Variants in WLS observed in about 807,000 individuals in gnomAD.
The protein encoded by WLS is Wnt ligand secretion mediator.
WLS carries 23 observed loss-of-function variants against 62.8 expected under a neutral mutation model. That is an observed-to-expected ratio of 0.37 (90% CI 0.26 to 0.52). The LOEUF (loss-of-function observed/expected upper bound fraction) is 0.52. Ranked by LOEUF, WLS falls within the 20% of genes least tolerant of loss-of-function variation. The pLI is 0.92. For missense variants in WLS, 615 were observed against 697.3 expected (o/e 0.88, Z 1.33); for synonymous variants, 246 against 244.1 (o/e 1.01, Z -0.07).
At chr1:68,105,924 G>A (rs986699605) in intron 11 of WLS, among the ~76,000 whole-genome samples, 9 of 152,266 alleles carry the variant, frequency 5.9e-5, no homozygotes, top group Admixed American at 2.0e-4. Flanking sequence ...TATGGGATTG[G>A]TGTAAGGGTC....
At chr1:68,193,398 TAAAAAAAAAAAAAAAAAAAAAAAAAAAAA>T (rs904327955) in intron 2 of WLS, among the ~76,000 whole-genome samples, 323 of 15,446 alleles carry the variant, frequency 0.021, 4 homozygotes, top group African/African-American at 0.044. Flanking sequence ...GCAAATAAGC[TAAAAAAAAAAAAAAAAAAAAAAAAAAAAA>T]AAAAAAAAAA....
chr1:68,138,191 C>T (rs1475724795), intron 10 of WLS: 4 of 433,806 alleles, frequency 9.2e-6, no homozygotes, highest in Non-Finnish European at 1.6e-5. Context: ...GGGAGTGTCT[C>T]TTCCTAAAAA....
At chr1:68,195,508 A>C (rs958819698) in intron 1 of WLS, among the ~76,000 whole-genome samples, 1 of 152,218 alleles carries the variant, frequency 6.6e-6, no homozygotes, top group Non-Finnish European at 1.5e-5. Context: ...AAAATCTTTC[A>C]GTTAGTAGTT....
At chr1:68,106,091 A>G (rs1259608117) in intron 11 of WLS, among the ~76,000 whole-genome samples, 1 of 152,174 alleles carries the variant, frequency 6.6e-6, no homozygotes, top group East Asian at 1.9e-4. Context: ...CTTGGTGGGG[A>G]GTTAGGACTA....
intron 2 of WLS, among the ~76,000 whole-genome samples, chr1:68,188,128 A>T (rs1176209844): frequency 6.6e-6 from 1 of 152,242 alleles, no homozygotes; most frequent in Non-Finnish European, 1.5e-5. Context: ...ACTATGCTCT[A>T]AACAACTGCC....
At chr1:68,105,907 A>T (rs953685509) in intron 11 of WLS, among the ~76,000 whole-genome samples, 5 of 152,294 alleles carry the variant, frequency 3.3e-5, no homozygotes, top group Non-Finnish European at 5.9e-5. Flanking sequence ...CTCCAAAAAG[A>T]AAAGGATATG....
intron 11 of WLS, among the ~76,000 whole-genome samples, chr1:68,133,733 A>C (rs1406438160): frequency 1.3e-5 from 2 of 152,246 alleles, no homozygotes; most frequent in Non-Finnish European, 1.5e-5. Context: ...AGAGAGAAGA[A>C]AAAGTCTATC....
chr1:68,212,865 A>G (rs945626213), intron 1 of WLS, among the ~76,000 whole-genome samples: 7 of 152,208 alleles, frequency 4.6e-5, no homozygotes, highest in African/African-American at 1.7e-4. Flanking sequence ...TCAACTCACT[A>G]ATTTAACATC....
intron 1 of WLS, among the ~76,000 whole-genome samples, chr1:68,213,699 A>T (rs1237906711): frequency 6.6e-6 from 1 of 152,122 alleles, no homozygotes; most frequent in African/African-American, 2.4e-5. Flanking sequence ...CAAAAAAAAA[A>T]ATTATCTGAT....
At chr1:68,143,249 GACACTATCT>G (rs1646710203) in intron 10 of WLS, among the ~76,000 whole-genome samples, 1 of 152,078 alleles carries the variant, frequency 6.6e-6, no homozygotes, top group Non-Finnish European at 1.5e-5. Context: ...CGTGTCCTAA[GACACTATCT>G]ACACTACTGA....
intron 11 of WLS, chr1:68,127,187 TTGACTC>T: frequency 3.8e-6 from 1 of 261,996 alleles, no homozygotes; most frequent in South Asian, 3.3e-5. Context: ...GAGTAAGACT[TTGACTC>T]TAAAAAAATA....
Position 68,125,871 on chromosome 1 carries a change from TC to T in WLS, c.*354del. 9.6e-7 allele frequency: 1 copy of T among 1,040,958 alleles called. No homozygotes were observed. The highest frequency in any genetic ancestry group is 1.2e-6 in the Non-Finnish European group (1 of 865,700). 64.5% of individuals were successfully genotyped at this position (1,040,958 alleles called of 1,614,324 possible). A position where few individuals can be genotyped will look rare whatever the true frequency, so the allele number is the denominator to read the frequency against. On this transcript the variant is annotated 3_prime_UTR_variant, in exon 12 of 12. Transcript: ENST00000262348. Reference sequence around the variant, plus strand: ...ACAGGAAAAATGTCAAATATTCCACTCCCCATTCGGCCCAAACCATCCCCCA... The same window carrying T: ...ACAGGAAAAATGTCAAATATTCCACTCCCATTCGGCCCAAACCATCCCCCA...
In WLS at chr1:68,148,644, T is replaced by G; in HGVS notation, c.989A>C (p.Asn330Thr). Residue 330 changes from asparagine (N) to threonine (T), a missense_variant, in exon 7 of 12, where the codon AAC (asparagine) becomes ACC (threonine). Physicochemically the swap from Asn to Thr is moderately conservative, Grantham distance 65. Coordinates refer to ENST00000262348, the MANE Select transcript of WLS (RefSeq NM_024911.7). The part of the protein sequence containing the change: ...GEHMMDQHER[N>T]HIAGYWKQVG... ...TTGCTTCCAATACCCTGCGATGTGGTTCCGCTCGTGCTGATCCTGAGGAAA... is the reference window on the plus strand; with the variant it reads ...TTGCTTCCAATACCCTGCGATGTGGGTCCGCTCGTGCTGATCCTGAGGAAA... 1 of 1,613,998 alleles carries G rather than the reference T, an allele frequency of 6.2e-7. No individual in the cohort carries two copies. Among genetic ancestry groups the G allele is most frequent in the Non-Finnish European group, 8.5e-7 (1 of 1,179,948 alleles).
chr1:68,130,416 G>C (rs1193949273), intron 11 of WLS, among the ~76,000 whole-genome samples: 1 of 152,144 alleles, frequency 6.6e-6, no homozygotes, highest in Non-Finnish European at 1.5e-5. Context: ...CATACACAAT[G>C]TGTGCCGGAG....
At chr1:68,198,679 A>G (rs1648817146) in intron 1 of WLS, among the ~76,000 whole-genome samples, 1 of 152,166 alleles carries the variant, frequency 6.6e-6, no homozygotes. Context: ...GAACGTACAA[A>G]TAACGGAGGA....
intron 2 of WLS, among the ~76,000 whole-genome samples, chr1:68,174,603 A>G (rs878548): frequency 0.33 from 50,874 of 152,032 alleles, 9,130 homozygotes; most frequent in Non-Finnish European, 0.4. Context: ...TCCTCCCTCA[A>G]TAAAAGCCAC....
chr1:68,131,607 A>G (rs1480357268), intron 11 of WLS, among the ~76,000 whole-genome samples: 1 of 152,142 alleles, frequency 6.6e-6, no homozygotes, highest in Non-Finnish European at 1.5e-5. Context: ...GCCAGGCAGT[A>G]ACTGCAAGTG....
chr1:68,134,943 G>C (rs1326039145), intron 11 of WLS, among the ~76,000 whole-genome samples: 1 of 152,170 alleles, frequency 6.6e-6, no homozygotes, highest in Non-Finnish European at 1.5e-5. Context: ...TAGTCATCCT[G>C]CCTCTGCAGG....
At chr1:68,123,782 A>G (rs143849132), downstream of WLS, among the ~76,000 whole-genome samples, 391 of 152,286 alleles carry the variant, frequency 2.6e-3, no homozygotes, top group Non-Finnish European at 3.9e-3. Context: ...TGAGAGAAAC[A>G]AGAACTGGAT....
Sources: gnomAD v4.1 joint callset for allele counts (sites outside exome capture counted in the v4.1 genomes callset) on GRCh38, gnomAD v4.1.1 for gene constraint, MANE v1.5 for transcripts, NCBI Gene and HGNC (gene_info 2026-07-23, HGNC 2026-07-21) for gene names.